OSBPL10: variants seen among roughly 807,000 people sequenced by gnomAD.
OSBPL10 encodes the protein oxysterol binding protein like 10.
OSBPL10 carries 49 observed loss-of-function variants against 81.7 expected under a neutral mutation model. The ratio of observed to expected loss-of-function variants is 0.60; its 90% confidence interval spans 0.48 to 0.76. The LOEUF (loss-of-function observed/expected upper bound fraction) is 0.76. Ranked by LOEUF, OSBPL10 falls within the 30% of genes least tolerant of loss-of-function variation. The probability of loss-of-function intolerance (pLI) is 0.00; values close to 1 mark genes in which losing one functional copy is unlikely to be tolerated. For synonymous variants in OSBPL10, 419 were observed against 383.6 expected, an observed-to-expected ratio of 1.09 and a Z score of -1.08; for missense variants, 923 against 987.8, an observed-to-expected ratio of 0.93 and a Z score of 0.88.
At chr3:31,781,281 C>T (rs1698689291) in intron 4 of OSBPL10, among the ~76,000 whole-genome samples, 1 of 151,874 alleles carries the variant, frequency 6.6e-6, no homozygotes, top group African/African-American at 2.4e-5. Flanking sequence ...TGATTAAAAC[C>T]CTAAACAAAA....
intron 1 of OSBPL10, among the ~76,000 whole-genome samples, chr3:31,892,686 G>A (rs1209552478): frequency 6.6e-6 from 1 of 152,150 alleles, no homozygotes; most frequent in Non-Finnish European, 1.5e-5. Flanking sequence ...GTTCGACTGG[G>A]GCAGCAGGGT....
chr3:31,722,607 T>C (rs1696681214), intron 6 of OSBPL10, among the ~76,000 whole-genome samples: 1 of 152,156 alleles, frequency 6.6e-6, no homozygotes, highest in Non-Finnish European at 1.5e-5. Context: ...ATCAATCTAC[T>C]ATAAGAAAAG....
chr3:31,887,303 C>T (rs537235434), intron 1 of OSBPL10, among the ~76,000 whole-genome samples: 7 of 152,338 alleles, frequency 4.6e-5, no homozygotes, highest in Middle Eastern at 3.4e-3. Flanking sequence ...CAAAATAAAG[C>T]ACACTCAGTA....
intron 2 of OSBPL10, among the ~76,000 whole-genome samples, chr3:32,041,637 CTCTTTCTTTCTTTTTCTT>C (rs1699576721): frequency 1.1e-5 from 1 of 89,406 alleles, no homozygotes; most frequent in Middle Eastern, 5.4e-3. Context: ...TTCTTTCTTT[CTCTTTCTTTCTTTTTCTT>C]TCTTTCTTTC....
At chr3:31,720,474 C>G (rs1033047103) in intron 6 of OSBPL10, among the ~76,000 whole-genome samples, 2 of 152,188 alleles carry the variant, frequency 1.3e-5, no homozygotes, top group African/African-American at 4.8e-5. Context: ...TGACTGCTTT[C>G]CTCAACAGGA....
intron 1 of OSBPL10, among the ~76,000 whole-genome samples, chr3:31,935,795 T>C (rs1385995026): frequency 6.6e-6 from 1 of 152,170 alleles, no homozygotes; most frequent in Non-Finnish European, 1.5e-5. Flanking sequence ...GTCCTGGGAT[T>C]ACAGGCATGA....
chr3:31,663,229 A>T, intron 11 of OSBPL10: 1 of 984,682 alleles, frequency 1.0e-6, no homozygotes, highest in Non-Finnish European at 1.2e-6. Flanking sequence ...ATTTTTTTAA[A>T]TCTTTGACCA....
chr3:31,887,268 T>C (rs951242564), intron 1 of OSBPL10, among the ~76,000 whole-genome samples: 1 of 152,148 alleles, frequency 6.6e-6, no homozygotes, highest in African/African-American at 2.4e-5. Flanking sequence ...ATCTACTACT[T>C]ACAGAAAAAC....
rs11423783 is a variant in OSBPL10 at position 31,900,025 on chromosome 3, CTT to C, written c.282-20197_282-20196del. On this transcript the variant is annotated intron_variant, in intron 1 of 11. Coordinates refer to ENST00000396556, the MANE Select transcript of OSBPL10 (RefSeq NM_017784.5). ...TTACAAACATGGTTAGAAAATAAAA[CTT>C]TTTTTTTTTTTTTTTTAAGACAGGG... Among the ~76,000 whole-genome samples, 129 of 135,404 alleles carry C rather than the reference CTT, an allele frequency of 9.5e-4. 3 individuals carry two copies. Among genetic ancestry groups the C allele is most frequent in the African/African-American group, 2.2e-3 (81 of 36,260 alleles). 88.8% of individuals were successfully genotyped at this position (135,404 alleles called of 152,430 possible). A position where few individuals can be genotyped will look rare whatever the true frequency, so the allele number is the denominator to read the frequency against.
At chr3:31,948,428 G>A (rs11916062) in intron 1 of OSBPL10, among the ~76,000 whole-genome samples, 26,272 of 152,076 alleles carry the variant, frequency 0.17, 2,773 homozygotes, top group African/African-American at 0.27. Context: ...TACCTCCCAA[G>A]TAACTGGGTT....
chr3:31,992,429 AG>A (rs1166741103), intron 2 of OSBPL10, among the ~76,000 whole-genome samples: 1 of 152,184 alleles, frequency 6.6e-6, no homozygotes, highest in African/African-American at 2.4e-5. Context: ...GGTAAAATCA[AG>A]GTATCAGTAG....
At chr3:31,850,957 C>T (rs940462982) in intron 3 of OSBPL10, among the ~76,000 whole-genome samples, 1 of 152,142 alleles carries the variant, frequency 6.6e-6, no homozygotes, top group African/African-American at 2.4e-5. Flanking sequence ...GGTGTGTCTG[C>T]ATATAATTTG....
intron 2 of OSBPL10, among the ~76,000 whole-genome samples, chr3:32,044,165 G>A (rs1353647321): frequency 6.6e-6 from 1 of 151,952 alleles, no homozygotes; most frequent in Non-Finnish European, 1.5e-5. Flanking sequence ...CCAAGCTGTG[G>A]TCTTCTGCAA....
chr3:31,872,115 G>A (rs1340745580), intron 3 of OSBPL10, among the ~76,000 whole-genome samples: 3 of 152,136 alleles, frequency 2.0e-5, no homozygotes, highest in African/African-American at 7.2e-5. Context: ...CCCATACCCC[G>A]GTGACTCCAC....
chr3:31,722,678 T>A (rs1037003119), intron 6 of OSBPL10, among the ~76,000 whole-genome samples: 1 of 152,042 alleles, frequency 6.6e-6, no homozygotes, highest in African/African-American at 2.4e-5. Flanking sequence ...ATATTTAAAG[T>A]CAGAATTACA....
chr3:31,864,460 G>T (rs951849165), intron 3 of OSBPL10, among the ~76,000 whole-genome samples: 2 of 152,058 alleles, frequency 1.3e-5, no homozygotes, highest in African/African-American at 2.4e-5. Context: ...GGCTGGTCTC[G>T]AATTCCTGAC....
At chr3:31,799,893 GA>G (rs1331976315) in intron 4 of OSBPL10, among the ~76,000 whole-genome samples, 2 of 152,140 alleles carry the variant, frequency 1.3e-5, no homozygotes, top group African/African-American at 4.8e-5. Context: ...ATTTTCAGTA[GA>G]GATGGTATTT....
rs1189687224 is a variant in OSBPL10, at chr3:31,741,681, CTGATATCCTAT to C, written c.940+6218_940+6228del. On this transcript the variant is annotated intron_variant, in intron 5 of 11. Coordinates refer to ENST00000396556, the MANE Select transcript of OSBPL10 (RefSeq NM_017784.5). The stretch of plus-strand genomic sequence containing the variant: ...TACAATGCTAGTTTTTCCTTTTCTC[CTGATATCCTAT>C]TGATATCCTATTGATATGGTTTGGC... Among the ~76,000 whole-genome samples the C allele has an allele frequency of 3.0e-4, 45 of 152,318 alleles. No homozygotes were observed. In the South Asian group the frequency reaches 5.8e-3, roughly 20 times the overall value.
intron 1 of OSBPL10, among the ~76,000 whole-genome samples, chr3:31,944,199 T>C (rs1697625426): frequency 2.0e-5 from 3 of 152,092 alleles, no homozygotes; most frequent in Non-Finnish European, 4.4e-5. Flanking sequence ...AATCACTGCA[T>C]CAAACAATAT....
Sources: allele counts gnomAD v4.1 joint callset (sites outside exome capture counted in the v4.1 genomes callset), GRCh38; gene constraint gnomAD v4.1.1; transcripts MANE v1.5; gene names NCBI Gene and HGNC (gene_info 2026-07-23, HGNC 2026-07-21).